Variants in MAP2K5 observed in about 807,000 individuals in gnomAD.
MAP2K5 encodes the protein dual specificity mitogen-activated protein kinase kinase 5.
In MAP2K5, 49 loss-of-function variants were observed where a neutral mutation model predicts 83.1. The observed-to-expected ratio is 0.59, with a 90% CI of 0.47 to 0.75. The LOEUF is 0.75. Among genes scored for constraint, MAP2K5 ranks in the 30% least tolerant of loss-of-function variants. MAP2K5 has a pLI of 0.00. For synonymous variants in MAP2K5, 202 were observed against 191.8 expected (o/e 1.05, Z -0.44); for missense variants, 457 against 557.5 (o/e 0.82, Z 1.82).
At chr15:67,611,745 T>G (rs1249427250) in intron 8 of MAP2K5, among the ~76,000 whole-genome samples, 1 of 152,180 alleles carries the variant, frequency 6.6e-6, no homozygotes, top group African/African-American at 2.4e-5. Context: ...TAATTCTTAG[T>G]CCTTTCCCAA....
chr15:67,686,669 G>A (rs2087964862), intron 13 of MAP2K5, among the ~76,000 whole-genome samples: 1 of 151,886 alleles, frequency 6.6e-6, no homozygotes, highest in African/African-American at 2.4e-5. Context: ...TATAATTTAT[G>A]AGAAGAAGCA....
In MAP2K5 at chr15:67,798,023, C is replaced by T. The variant is rs1206471016; in HGVS notation, c.1243-8623C>T. Among the ~76,000 whole-genome samples the T allele has an allele frequency of 2.0e-5, 3 of 152,172 alleles. No homozygotes were observed. The East Asian group carries it at 5.8e-4, about 29-fold the overall frequency. On this transcript the variant is annotated intron_variant, in intron 21 of 21. Coordinates refer to ENST00000178640, the MANE Select transcript of MAP2K5 (RefSeq NM_145160.3). ...CTCAAGAGGTAAGGAAAGCAGAGGA[C>T]AAGGGAGAATCCATCCTTCTGAGCA...
At chr15:67,804,529 AC>A (rs887599550) in intron 21 of MAP2K5, among the ~76,000 whole-genome samples, 3 of 152,338 alleles carry the variant, frequency 2.0e-5, no homozygotes, top group African/African-American at 7.2e-5. Flanking sequence ...CCCCTCGCCT[AC>A]CGGGGCACTT....
chr15:67,748,620 T>C lies in MAP2K5; in HGVS notation c.1134+19T>C. On this transcript the variant is annotated intron_variant, in intron 19 of 21. Transcript: ENST00000178640. The surrounding 1 kb of genome is among the most constrained non-coding windows in gnomAD (Gnocchi z 4.0). The stretch of plus-strand genomic sequence containing the variant: ...TGATGAGGTGAGGCATCGTCTTATG[T>C]GCTTTCACTCCTAAAGTCATTCCTA... 6.2e-7 allele frequency: 1 copy of C among 1,612,214 alleles called. No individual in the cohort carries two copies. Among genetic ancestry groups the C allele is most frequent in the Non-Finnish European group, 8.5e-7 (1 of 1,178,406 alleles).
chr15:67,732,507 G>C (rs932695257), intron 17 of MAP2K5, among the ~76,000 whole-genome samples: 2 of 152,126 alleles, frequency 1.3e-5, no homozygotes, highest in African/African-American at 4.8e-5. Flanking sequence ...TCTTTTGGCT[G>C]CAGTTCCTGA....
Position 67,777,544 on chromosome 15 carries a change from G to A in MAP2K5, c.1242+4792G>A, listed in dbSNP as rs762145785. On this transcript the variant is annotated intron_variant, in intron 21 of 21. Transcript: ENST00000178640. The surrounding 1 kb of genome is among the most constrained non-coding windows in gnomAD (Gnocchi z 6.0). Reference sequence around the variant, plus strand: ...TGCACTTCGGCTGTGGTAAAAGTACGTATCACATACATATTAAAAACATAT... The same window carrying A: ...TGCACTTCGGCTGTGGTAAAAGTACATATCACATACATATTAAAAACATAT... Among the ~76,000 whole-genome samples, 19 of 152,120 alleles carry A rather than the reference G, an allele frequency of 1.2e-4. No individual in the cohort carries two copies. Among genetic ancestry groups the A allele is most frequent in the Non-Finnish European group, 2.5e-4 (17 of 68,022 alleles).
chr15:67,630,868 G>T lies in MAP2K5; in HGVS notation c.546-20G>T, dbSNP rs2086457579. 5 of 1,561,428 alleles carry T rather than the reference G, an allele frequency of 3.2e-6. No individual in the cohort carries two copies. In the South Asian group the frequency reaches 4.5e-5, roughly 14 times the overall value. On this transcript the variant is annotated intron_variant, in intron 8 of 21. Coordinates refer to ENST00000178640, the MANE Select transcript of MAP2K5 (RefSeq NM_145160.3). ...TTGTTTAGTGATCCCAAATGATTTT[G>T]TTTTTTTTTCTTCCCATAGAGCATA...
rs2141242373 is a variant in MAP2K5 at position 67,722,918 on chromosome 15, A to G, written c.1045-4998A>G. On this transcript the variant is annotated intron_variant, in intron 16 of 21. Transcript: ENST00000178640. This position sits in a 1 kb window ranked among gnomAD's most constrained non-coding sequence, Gnocchi z 4.2. ...TTCAGCTAGATCACTGGCTATATTG[A>G]AAATGCTTATTTTCAATTTGTAGTT... Among the ~76,000 whole-genome samples, 1 of 152,350 alleles carries G rather than the reference A, an allele frequency of 6.6e-6. No homozygotes were observed. Among genetic ancestry groups the G allele is most frequent in the East Asian group, 1.9e-4 (1 of 5,192 alleles).
intron 11 of MAP2K5, among the ~76,000 whole-genome samples, chr15:67,655,664 A>G (rs1219279126): frequency 1.3e-5 from 2 of 152,152 alleles, no homozygotes; most frequent in Admixed American, 6.6e-5. Context: ...GGCTATGGAT[A>G]GTTTGATAAT....
At position 67,770,872 on chromosome 15, in the gene MAP2K5, C is replaced by T. The variant is rs1406335202; in HGVS notation, c.1196+1209C>T. Among the ~76,000 whole-genome samples the T allele has an allele frequency of 6.6e-6, 1 of 152,010 alleles. No homozygotes were observed. The highest frequency in any genetic ancestry group is 1.5e-5 in the Non-Finnish European group (1 of 67,990). Reference sequence around the variant, plus strand: ...AAATATATGTGAGGAAGAAATTTTTCTCCCCAATTAAAAAAATTTTATTAA... The same window carrying T: ...AAATATATGTGAGGAAGAAATTTTTTTCCCCAATTAAAAAAATTTTATTAA... On this transcript the variant is annotated intron_variant, in intron 20 of 21. Coordinates refer to ENST00000178640, the MANE Select transcript of MAP2K5 (RefSeq NM_145160.3). This position sits in a 1 kb window ranked among gnomAD's most constrained non-coding sequence, Gnocchi z 5.0.
At chr15:67,614,637 G>A (rs528164237) in intron 8 of MAP2K5, among the ~76,000 whole-genome samples, 3 of 152,214 alleles carry the variant, frequency 2.0e-5, no homozygotes, top group South Asian at 4.1e-4. Context: ...GATCTCAGAG[G>A]TATTTAGACC....
intron 9 of MAP2K5, among the ~76,000 whole-genome samples, chr15:67,641,249 G>T (rs1428005872): frequency 6.6e-6 from 1 of 151,980 alleles, no homozygotes; most frequent in Non-Finnish European, 1.5e-5. Flanking sequence ...GACTGCTTTG[G>T]GTTTCTGCTG....
At position 67,608,959 on chromosome 15, in the gene MAP2K5, A is replaced by G. The variant is rs73441617; in HGVS notation, c.545+8210A>G. ...CACTTAGTGAGTGTTTCAGGAATTT[A>G]CCTGCAGAGGCAGATTCTTCACAGC... On this transcript the variant is annotated intron_variant, in intron 8 of 21. Coordinates refer to ENST00000178640, the MANE Select transcript of MAP2K5 (RefSeq NM_145160.3). 1.9e-3 allele frequency among the ~76,000 whole-genome samples: 292 copies of G among 152,232 alleles called. 1 individual carries two copies. Among genetic ancestry groups the G allele is most frequent in the African/African-American group, 6.9e-3 (286 of 41,528 alleles).
In MAP2K5 at chr15:67,708,800, A is replaced by T. The variant is rs1343056236; in HGVS notation, c.1044+5392A>T. Among the ~76,000 whole-genome samples the T allele has an allele frequency of 2.6e-5, 4 of 152,104 alleles. No homozygotes were observed. The highest frequency in any genetic ancestry group is 5.9e-5 in the Non-Finnish European group (4 of 68,016). On this transcript the variant is annotated intron_variant, in intron 16 of 21. Transcript: ENST00000178640. This position sits in a 1 kb window ranked among gnomAD's most constrained non-coding sequence, Gnocchi z 4.9. ...ATGCTACATGCTGCTAAAATGTGCC[A>T]TTAAAAAAAAAAACTCACTGACAGG...
chr15:67,616,553 CTT>C (rs2086060706), intron 8 of MAP2K5, among the ~76,000 whole-genome samples: 1 of 152,164 alleles, frequency 6.6e-6, no homozygotes, highest in African/African-American at 2.4e-5. Flanking sequence ...GCTGTGAAAT[CTT>C]TGCATGGAAA....
At chr15:67,714,414 G>A (rs12908750) in intron 16 of MAP2K5, among the ~76,000 whole-genome samples, 29,008 of 29,124 alleles carry the variant, frequency 1, 14,451 homozygotes, top group Middle Eastern at 1. Flanking sequence ...AGCTGCCAGG[G>A]AAAAAAAAAA....
At chr15:67,621,129 C>A (rs1230495254) in intron 8 of MAP2K5, among the ~76,000 whole-genome samples, 2 of 151,860 alleles carry the variant, frequency 1.3e-5, no homozygotes, top group African/African-American at 4.8e-5. Flanking sequence ...AAAAACTAAT[C>A]AAAAGAATGC....
chr15:67,742,731 A>G (rs113520060), intron 17 of MAP2K5, among the ~76,000 whole-genome samples: 45 of 152,330 alleles, frequency 3.0e-4, no homozygotes, highest in African/African-American at 1.0e-3. Flanking sequence ...TTAAATTACA[A>G]TTCTAAGCCC....
chr15:67,759,861 T>C (rs1426386279), intron 19 of MAP2K5, among the ~76,000 whole-genome samples: 1 of 152,222 alleles, frequency 6.6e-6, no homozygotes, highest in Non-Finnish European at 1.5e-5. Context: ...TCATGGTGCA[T>C]GCAGCTTGTA....
Sources: gnomAD v4.1 joint callset for allele counts (sites outside exome capture counted in the v4.1 genomes callset) on GRCh38, gnomAD v4.1.1 for gene constraint, Gnocchi (gnomAD v3.1) non-coding constraint, MANE v1.5 for transcripts, NCBI Gene and HGNC (gene_info 2026-07-23, HGNC 2026-07-21) for gene names.